C10orf90: variants seen among roughly 807,000 people sequenced by gnomAD.
C10orf90 encodes (E2-independent) E3 ubiquitin-conjugating enzyme FATS.
In C10orf90, 56 loss-of-function variants were observed where a neutral mutation model predicts 62.5. That is an observed-to-expected ratio of 0.90 (90% CI 0.72 to 1.12). The LOEUF (loss-of-function observed/expected upper bound fraction) is 1.12, where lower values mean the gene tolerates loss of function less well. C10orf90 is among the 50% of genes most tolerant of loss of function. C10orf90 has a pLI of 0.00. For missense variants in C10orf90, 970 were observed against 880.4 expected, an observed-to-expected ratio of 1.10 and a Z score of -1.29; for synonymous variants, 386 against 340.4, an observed-to-expected ratio of 1.13 and a Z score of -1.47.
intron 2 of C10orf90, among the ~76,000 whole-genome samples, chr10:126,581,585 G>T (rs367796992): frequency 1.4e-4 from 22 of 152,210 alleles, no homozygotes; most frequent in African/African-American, 4.6e-4. Context: ...CTTTCTGCAG[G>T]TTGGTCATCT....
At chr10:126,501,872 A>G (rs1376213922) in intron 4 of C10orf90, among the ~76,000 whole-genome samples, 2 of 151,734 alleles carry the variant, frequency 1.3e-5, no homozygotes, top group Non-Finnish European at 2.9e-5. Context: ...GAGTACGCAA[A>G]GGCATACAGA....
chr10:126,631,799 A>C (rs1171384242), intron 2 of C10orf90, among the ~76,000 whole-genome samples: 1 of 151,844 alleles, frequency 6.6e-6, no homozygotes, highest in Non-Finnish European at 1.5e-5. Context: ...CAGCAAGCAG[A>C]GGCACAGGCA....
chr10:126,576,734 G>C (rs1330729604), intron 2 of C10orf90, among the ~76,000 whole-genome samples: 5,392 of 51,114 alleles, frequency 0.11, 96 homozygotes, highest in African/African-American at 0.19. Context: ...ACATATATAT[G>C]TATATGTATA....
At chr10:126,554,917 C>T (rs1474038298) in intron 2 of C10orf90, among the ~76,000 whole-genome samples, 1 of 152,184 alleles carries the variant, frequency 6.6e-6, no homozygotes, top group Non-Finnish European at 1.5e-5. Context: ...CTTCGAACAA[C>T]CTGGGCATTG....
At chr10:126,574,617 A>G (rs191887588) in intron 2 of C10orf90, among the ~76,000 whole-genome samples, 34 of 152,228 alleles carry the variant, frequency 2.2e-4, no homozygotes, top group African/African-American at 7.9e-4. Context: ...TTAACAATAA[A>G]TCAATCAATG....
intron 3 of C10orf90, among the ~76,000 whole-genome samples, chr10:126,512,488 CTAAT>C (rs1224629199): frequency 6.6e-6 from 1 of 151,954 alleles, no homozygotes; most frequent in Non-Finnish European, 1.5e-5. Flanking sequence ...TGACTAAACT[CTAAT>C]TAATTTTTGA....
intron 2 of C10orf90, among the ~76,000 whole-genome samples, chr10:126,633,832 C>A (rs558942473): frequency 6.6e-6 from 1 of 152,292 alleles, no homozygotes; most frequent in East Asian, 1.9e-4. Flanking sequence ...TATCTTTTGG[C>A]AGGTGGAGAG....
intron 2 of C10orf90, among the ~76,000 whole-genome samples, chr10:126,582,242 T>G (rs180696374): frequency 4.8e-4 from 73 of 152,344 alleles, no homozygotes; most frequent in Non-Finnish European, 6.5e-4. Flanking sequence ...ACACCTGTGC[T>G]GAGAGTGTGC....
rs562459759 is a variant in C10orf90, at chr10:126,425,283, T to A, written c.*581A>T. On this transcript the variant is annotated 3_prime_UTR_variant, in exon 10 of 10. Transcript: ENST00000488181. ...GGGTGACTGAGGGCCCTCTGACTGC[T>A]CCAGGTCACAAAGAGATGGGCTGAT... The A allele has an allele frequency of 6.6e-6, 1 of 152,592 alleles. No homozygotes were observed. Among genetic ancestry groups the A allele is most frequent in the South Asian group, 2.1e-4 (1 of 4,830 alleles). The allele number at this position is 152,592 out of a possible 1,614,324, so 9.5% of individuals were successfully genotyped here. A position where few individuals can be genotyped will look rare whatever the true frequency, so the allele number is the denominator to read the frequency against.
chr10:126,524,679 G>T, intron 2 of C10orf90: 1 of 986,222 alleles, frequency 1.0e-6, no homozygotes, highest in Non-Finnish European at 1.2e-6. Flanking sequence ...ACTCAGCCAT[G>T]TCAGCTCCTC....
chr10:126,439,120 C>A (rs1340439719), intron 7 of C10orf90, among the ~76,000 whole-genome samples: 1 of 152,172 alleles, frequency 6.6e-6, no homozygotes, highest in Non-Finnish European at 1.5e-5. Context: ...TCAGGAGGAT[C>A]CCAGCAGCCT....
rs149232688 is a variant in C10orf90, at chr10:126,504,031, T to C, written c.1460A>G (p.His487Arg). ...QVTVRKGEKD[H>R]TTHCHASDHA... ...ATCGCTGGCGTGACAATGAGTTGTA[T>C]GGTCCTTTTCCCCTTTTCTTACAGT... The change falls in exon 4 of 10, where the codon CAT (histidine) becomes CGT (arginine). Residue 487 changes from histidine (H) to arginine (R), a missense_variant. By Grantham distance (29) the His-to-Arg change is conservative. Coordinates refer to ENST00000488181, the MANE Select transcript of C10orf90 (RefSeq NM_001350921.2). The surrounding 1 kb of genome is among the most constrained non-coding windows in gnomAD (Gnocchi z 4.1). 954 of 1,614,134 alleles carry C rather than the reference T, an allele frequency of 5.9e-4. 10 individuals are homozygous for C. In the African/African-American group the frequency reaches 0.011, roughly 19 times the overall value.
At chr10:126,648,491 C>T (rs1311528308) in intron 1 of C10orf90, among the ~76,000 whole-genome samples, 2 of 152,212 alleles carry the variant, frequency 1.3e-5, no homozygotes, top group Non-Finnish European at 2.9e-5. Context: ...CATTATTTGG[C>T]TATTTGACTA....
At chr10:126,463,027 G>A (rs769713879) in intron 5 of C10orf90, among the ~76,000 whole-genome samples, 3 of 59,122 alleles carry the variant, frequency 5.1e-5, no homozygotes, top group Admixed American at 2.0e-4. Context: ...CCCACCCCCC[G>A]TCTCCCAGTG....
At chr10:126,580,639 C>T (rs10901637) in intron 2 of C10orf90, among the ~76,000 whole-genome samples, 87,897 of 147,558 alleles carry the variant, frequency 0.6, 26,530 homozygotes, top group African/African-American at 0.69. Flanking sequence ...GGCAACAGAG[C>T]GAGGCTCTGT....
chr10:126,559,192 A>C (rs1864846798), intron 2 of C10orf90, among the ~76,000 whole-genome samples: 1 of 152,234 alleles, frequency 6.6e-6, no homozygotes, highest in South Asian at 2.1e-4. Context: ...GTGGTTGTTA[A>C]ATATTTTCAA....
At chr10:126,451,100 A>G (rs1256502252) in intron 7 of C10orf90, among the ~76,000 whole-genome samples, 2 of 152,162 alleles carry the variant, frequency 1.3e-5, no homozygotes, top group East Asian at 3.8e-4. Context: ...ACGCAACATC[A>G]CAAACCATCA....
At chr10:126,579,257 TTCTTTC>T (rs1262392426) in intron 2 of C10orf90, among the ~76,000 whole-genome samples, 2 of 80,848 alleles carry the variant, frequency 2.5e-5, no homozygotes, top group Non-Finnish European at 4.6e-5. Flanking sequence ...AAATCTATAT[TTCTTTC>T]TTTCTTTCTT....
At chr10:126,535,885 C>T (rs1021743064) in intron 2 of C10orf90, among the ~76,000 whole-genome samples, 3 of 152,196 alleles carry the variant, frequency 2.0e-5, no homozygotes, top group African/African-American at 7.2e-5. Flanking sequence ...ACTGGAATCC[C>T]TGCTCAGGGT....
Sources: gnomAD v4.1 joint callset for allele counts (sites outside exome capture counted in the v4.1 genomes callset) on GRCh38, gnomAD v4.1.1 for gene constraint, Gnocchi (gnomAD v3.1) non-coding constraint, MANE v1.5 for transcripts, NCBI Gene and HGNC (gene_info 2026-07-23, HGNC 2026-07-21) for gene names.